Variants in FCHSD2 observed in about 807,000 individuals in gnomAD.
FCHSD2 encodes the protein FCH and double SH3 domains 2, also known as F-BAR and double SH3 domains protein 2.
FCHSD2 carries 38 observed loss-of-function variants against 108.1 expected under a neutral mutation model. The ratio of observed to expected loss-of-function variants is 0.35; its 90% CI spans 0.27 to 0.46. FCHSD2 has a LOEUF of 0.46. Ranked by LOEUF, FCHSD2 falls within the 20% of genes least tolerant of loss-of-function variation. FCHSD2 has a pLI of 1.00. For missense variants in FCHSD2, 751 were observed against 897.8 expected (o/e 0.84, Z 2.09); for synonymous variants, 279 against 314.7 (o/e 0.89, Z 1.20).
intron 8 of FCHSD2, among the ~76,000 whole-genome samples, chr11:72,939,686 T>C (rs1416830569): frequency 7.4e-6 from 1 of 135,868 alleles, no homozygotes; most frequent in Non-Finnish European, 1.6e-5. Flanking sequence ...TGGTACAATC[T>C]AGGCTCACTG....
intron 2 of FCHSD2, among the ~76,000 whole-genome samples, chr11:73,129,149 G>C (rs1273859596): frequency 6.6e-6 from 1 of 152,140 alleles, no homozygotes; most frequent in African/African-American, 2.4e-5. Context: ...GGGATTACAG[G>C]CATGAGCCAC....
chr11:73,014,019 G>T (rs779652014), intron 4 of FCHSD2, among the ~76,000 whole-genome samples: 4 of 151,328 alleles, frequency 2.6e-5, no homozygotes, highest in Non-Finnish European at 4.4e-5. Context: ...TCACCTCAAG[G>T]TTTTGTTCTA....
chr11:72,879,272 CA>C (rs1340233980), intron 12 of FCHSD2, among the ~76,000 whole-genome samples: 2 of 152,158 alleles, frequency 1.3e-5, no homozygotes, highest in Non-Finnish European at 2.9e-5. Flanking sequence ...TCGAAATGAT[CA>C]AACTGATCTG....
At chr11:73,004,681 T>G (rs528164962) in intron 4 of FCHSD2, among the ~76,000 whole-genome samples, 15 of 152,310 alleles carry the variant, frequency 9.8e-5, no homozygotes, top group Middle Eastern at 3.4e-3. Context: ...AATCTAAAAC[T>G]GTTTACATCA....
intron 11 of FCHSD2, among the ~76,000 whole-genome samples, chr11:72,888,471 A>G (rs1001186510): frequency 6.6e-6 from 1 of 152,206 alleles, no homozygotes; most frequent in Non-Finnish European, 1.5e-5. Context: ...TAATAAGCAT[A>G]GGCAATTCTT....
chr11:72,937,508 T>TG (rs1856327494), intron 8 of FCHSD2, among the ~76,000 whole-genome samples: 1 of 152,208 alleles, frequency 6.6e-6, no homozygotes, highest in South Asian at 2.1e-4. Flanking sequence ...TTAATAAACA[T>TG]GTCATGGACA....
At chr11:72,958,587 A>C (rs1856759790) in intron 8 of FCHSD2, among the ~76,000 whole-genome samples, 1 of 152,350 alleles carries the variant, frequency 6.6e-6, no homozygotes, top group African/African-American at 2.4e-5. Flanking sequence ...ACCACGGAAC[A>C]AAATCTAATA....
intron 8 of FCHSD2, among the ~76,000 whole-genome samples, chr11:72,929,466 T>C (rs1345935243): frequency 6.6e-6 from 1 of 152,212 alleles, no homozygotes; most frequent in Non-Finnish European, 1.5e-5. Context: ...GGGTGGATTA[T>C]TGCTAGTGTG....
intron 3 of FCHSD2, among the ~76,000 whole-genome samples, chr11:73,048,281 A>C (rs1858814455): frequency 6.6e-6 from 1 of 152,146 alleles, no homozygotes; most frequent in African/African-American, 2.4e-5. Context: ...GTACCGACAC[A>C]CATATGGGAC....
intron 8 of FCHSD2, among the ~76,000 whole-genome samples, chr11:72,947,594 T>A (rs543893360): frequency 6.6e-6 from 1 of 152,342 alleles, no homozygotes; most frequent in East Asian, 1.9e-4. Flanking sequence ...CACCACTATA[T>A]TGCTGGTCCT....
At chr11:73,058,177 C>T (rs1340575278) in intron 3 of FCHSD2, among the ~76,000 whole-genome samples, 1 of 152,100 alleles carries the variant, frequency 6.6e-6, no homozygotes, top group Non-Finnish European at 1.5e-5. Context: ...CTGTGCCTGG[C>T]CAATTCTGTA....
intron 17 of FCHSD2, 49 bp from the exon 18 acceptor site, chr11:72,841,632 G>C (rs750189689): frequency 2.0e-6 from 3 of 1,522,718 alleles, no homozygotes; most frequent in Admixed American, 2.3e-5. Context: ...CCAGGAAGGA[G>C]AGCCTGGCTG....
intron 2 of FCHSD2, among the ~76,000 whole-genome samples, chr11:73,120,652 T>C (rs1336994632): frequency 6.6e-6 from 1 of 151,886 alleles, no homozygotes. Context: ...TCATTTCATC[T>C]TGGAAGGCGG....
At chr11:73,113,326 G>A (rs1721508633) in intron 2 of FCHSD2, among the ~76,000 whole-genome samples, 1 of 128,322 alleles carries the variant, frequency 7.8e-6, no homozygotes, top group Non-Finnish European at 1.6e-5. Flanking sequence ...CCTTAGTTTG[G>A]TTGATCATCA....
chr11:73,123,799 C>T (rs1016066717), intron 2 of FCHSD2, among the ~76,000 whole-genome samples: 1 of 152,160 alleles, frequency 6.6e-6, no homozygotes, highest in African/African-American at 2.4e-5. Context: ...CAGGTGCTGG[C>T]CAACTGACTC....
chr11:73,094,845 C>A (rs1860039416), intron 2 of FCHSD2, among the ~76,000 whole-genome samples: 1 of 152,046 alleles, frequency 6.6e-6, no homozygotes, highest in Admixed American at 6.6e-5. Context: ...AAAATGATGA[C>A]CTGAGAATAC....
At chr11:72,877,209 G>T (rs1205776079) in intron 12 of FCHSD2, among the ~76,000 whole-genome samples, 1 of 151,952 alleles carries the variant, frequency 6.6e-6, no homozygotes, top group Non-Finnish European at 1.5e-5. Context: ...TTAATGATTA[G>T]TGTTTGTTCT....
At chr11:72,864,807 G>C (rs1401107909) in intron 13 of FCHSD2, among the ~76,000 whole-genome samples, 1 of 152,182 alleles carries the variant, frequency 6.6e-6, no homozygotes, top group Non-Finnish European at 1.5e-5. Flanking sequence ...AGAGAAGCAG[G>C]ATGATAAGAG....
At chr11:72,845,883 T>C (rs1025135942) in intron 14 of FCHSD2, among the ~76,000 whole-genome samples, 1 of 152,172 alleles carries the variant, frequency 6.6e-6, no homozygotes, top group Non-Finnish European at 1.5e-5. Context: ...TACTAGAATA[T>C]AAGCTCAATG....
Sources: gnomAD v4.1 joint callset for allele counts (sites outside exome capture counted in the v4.1 genomes callset) on GRCh38, gnomAD v4.1.1 for gene constraint, MANE v1.5 for transcripts, NCBI Gene and HGNC (gene_info 2026-07-23, HGNC 2026-07-21) for gene names.